The following ZNF596 variants were observed in gnomAD, a reference collection of about 807,000 sequenced individuals.
ZNF596 encodes the protein zinc finger protein 596.
A neutral mutation model predicts 48.3 loss-of-function variants in ZNF596; 45 were observed. The observed-to-expected ratio is 0.93, with a 90% CI of 0.73 to 1.19. The LOEUF is 1.19. Ranked by LOEUF, ZNF596 falls within the 50% of genes most tolerant of loss-of-function variation. The pLI is 0.00. For missense variants in ZNF596, 848 were observed against 599.7 expected (o/e 1.41, Z -4.32); for synonymous variants, 270 against 202.0 (o/e 1.34, Z -2.85).
chr8:238,314 G>A (rs1796702193), intron 1 of ZNF596, among the ~76,000 whole-genome samples: 1 of 151,994 alleles, frequency 6.6e-6, no homozygotes, highest in African/African-American at 2.4e-5. Flanking sequence ...GAGACTAGTG[G>A]AGGAAAGGAG....
chr8:243,049 G>C, intron 3 of ZNF596, 36 bp downstream of exon 3: 2 of 1,550,112 alleles, frequency 1.3e-6, no homozygotes, highest in Non-Finnish European at 1.8e-6. Flanking sequence ...ATGTATATAC[G>C]GATTCATTCA....
Position 246,435 on chromosome 8 carries a change from C to A in ZNF596, c.*73C>A. Reference sequence around the variant, plus strand: ...ACTACAGGAATATTATGTCTGTAATCAGTGTGGAAAAGCCTTTATTTATAT... The same window carrying A: ...ACTACAGGAATATTATGTCTGTAATAAGTGTGGAAAAGCCTTTATTTATAT... On this transcript the variant is annotated 3_prime_UTR_variant, in exon 6 of 6. Coordinates refer to ENST00000398612, the MANE Select transcript of ZNF596 (RefSeq NM_001042416.3). 1 of 1,494,216 alleles carries A rather than the reference C, an allele frequency of 6.7e-7. No homozygotes were observed. The highest frequency in any genetic ancestry group is 8.9e-7 in the Non-Finnish European group (1 of 1,122,166). The allele number at this position is 1,494,216 out of a possible 1,614,324, so 92.6% of individuals were successfully genotyped here. A position where few individuals can be genotyped will look rare whatever the true frequency, so the allele number is the denominator to read the frequency against.
intron 3 of ZNF596, 90 bp from the exon 4 acceptor site, chr8:243,632 A>G (rs1796940803): frequency 2.3e-6 from 3 of 1,301,366 alleles, no homozygotes; most frequent in South Asian, 2.6e-5. Flanking sequence ...TGGCTAACTT[A>G]TCCTTCCCAG....
At chr8:237,054 T>C (rs570545233) in intron 1 of ZNF596, 132 of 152,090 alleles carry the variant, frequency 8.7e-4, no homozygotes, top group African/African-American at 2.9e-3. Flanking sequence ...TAAAATTGGC[T>C]AATCAGATTT....
intron 4 of ZNF596, chr8:244,235 C>A: frequency 4.5e-6 from 1 of 221,880 alleles, no homozygotes; most frequent in East Asian, 1.4e-4. Flanking sequence ...TAGGCAAAAA[C>A]CTGAGGGAAA....
At chr8:233,005 C>T (rs1280170396) in intron 1 of ZNF596, 1 of 468,616 alleles carries the variant, frequency 2.1e-6, no homozygotes, top group Middle Eastern at 3.3e-4. Context: ...GAAGCGGGCT[C>T]TTCCTTGGCA....
At chr8:234,906 G>C (rs1287789444) in intron 1 of ZNF596, 2 of 152,196 alleles carry the variant, frequency 1.3e-5, no homozygotes, top group African/African-American at 4.8e-5. Flanking sequence ...TGTTGACCAT[G>C]ATTAGAGAAA....
Position 245,612 on chromosome 8 carries a change from A to G in ZNF596, c.765A>G (p.Leu255=), listed in dbSNP as rs758029918. The part of the protein sequence containing the change: ...HTGEKPYGCH[L]CGKAFSKSSN... Reference sequence around the variant, plus strand: ...GAGAGAAGCCATATGGATGTCATCTATGTGGGAAAGCCTTCAGTAAAAGTT... The same window carrying G: ...GAGAGAAGCCATATGGATGTCATCTGTGTGGGAAAGCCTTCAGTAAAAGTT... Residue 255 remains leucine (L), a synonymous_variant, in exon 6 of 6, where the codon CTA becomes CTG. Transcript: ENST00000398612. The G allele has an allele frequency of 2.5e-5, 40 of 1,613,978 alleles. No individual in the cohort carries two copies. Among genetic ancestry groups the G allele is most frequent in the Non-Finnish European group, 3.2e-5 (38 of 1,180,024 alleles).
intron 2 of ZNF596, among the ~76,000 whole-genome samples, chr8:242,082 C>G (rs989983639): frequency 1.3e-5 from 2 of 152,138 alleles, no homozygotes; most frequent in Non-Finnish European, 2.9e-5. Context: ...GGTGGGGACA[C>G]AGAGCCAAAC....
chr8:246,394 C>T lies in ZNF596; in HGVS notation c.*32C>T, dbSNP rs1039163370. On this transcript the variant is annotated 3_prime_UTR_variant, in exon 6 of 6. Transcript: ENST00000398612. ...TCAGCTGTAGCGTTAACACTAAATA[C>T]ACCAAGGACAAACATACTACAGGAA... is the stretch of plus-strand genomic sequence containing the variant. 3.9e-6 allele frequency: 6 copies of T among 1,535,834 alleles called. No homozygotes were observed. Among genetic ancestry groups the T allele is most frequent in the Non-Finnish European group, 5.2e-6 (6 of 1,148,844 alleles).
At chr8:235,330 GT>G (rs1796576799) in intron 1 of ZNF596, among the ~76,000 whole-genome samples, 1 of 152,218 alleles carries the variant, frequency 6.6e-6, no homozygotes, top group Non-Finnish European at 1.5e-5. Context: ...CTTGGGGCAA[GT>G]TGGGGGTTTG....
Position 242,118 on chromosome 8 carries a change from C to T in ZNF596, c.13-769C>T, listed in dbSNP as rs974788229. Among the ~76,000 whole-genome samples the T allele has an allele frequency of 2.0e-5, 3 of 152,070 alleles. No individual in the cohort carries two copies. In the East Asian group the frequency reaches 5.8e-4, roughly 29 times the overall value. ...TATATCACCTGGTGTTTGAAGATCC[C>T]ACATAAAATTGAGAAAGGAAATCCT... On this transcript the variant is annotated intron_variant, in intron 2 of 5. Transcript: ENST00000398612.
chr8:234,734 C>G (rs1478790489), intron 1 of ZNF596: 1 of 152,248 alleles, frequency 6.6e-6, no homozygotes. Flanking sequence ...CATCTTCACG[C>G]TATCACACTG....
chr8:238,516 T>A lies in ZNF596; in HGVS notation c.-72-2308T>A, dbSNP rs532088459. On this transcript the variant is annotated intron_variant, in intron 1 of 5. Coordinates refer to ENST00000398612, the MANE Select transcript of ZNF596 (RefSeq NM_001042416.3). ...AATTGACCATAAAGAAATACAGGTT[T>A]CTGGCTGGGTGCGGTGGCTCACACT... Among the ~76,000 whole-genome samples the A allele has an allele frequency of 1.6e-3, 246 of 151,630 alleles. 1 individual carries two copies. Among genetic ancestry groups the A allele is most frequent in the African/African-American group, 5.9e-3 (242 of 41,318 alleles).
At chr8:243,200 T>C (rs1796924542) in intron 3 of ZNF596, 187 bp downstream of exon 3, 3 of 450,910 alleles carry the variant, frequency 6.7e-6, no homozygotes, top group East Asian at 7.4e-5. Context: ...TTCACTTATA[T>C]TGATTTGTCC....
At position 241,020 on chromosome 8, in the gene ZNF596, A is replaced by T. The variant is rs1014604666; in HGVS notation, c.12+113A>T. ...AGTGCACTCAAGGATCCAAGCTCCA[A>T]TTAAGATTCCCCAGGGCTTCGGAAT... On this transcript the variant is annotated intron_variant, in intron 2 of 5. Coordinates refer to ENST00000398612, the MANE Select transcript of ZNF596 (RefSeq NM_001042416.3). The T allele has an allele frequency of 7.6e-6, 10 of 1,308,378 alleles. No homozygotes were observed. In the East Asian group the frequency reaches 1.6e-4, roughly 21 times the overall value. 81.0% of individuals were successfully genotyped at this position (1,308,378 alleles called of 1,614,324 possible).
At chr8:235,061 A>G (rs564657918) in intron 1 of ZNF596, among the ~76,000 whole-genome samples, 1 of 152,364 alleles carries the variant, frequency 6.6e-6, no homozygotes, top group East Asian at 1.9e-4. Flanking sequence ...GCCACAAAAT[A>G]TTAATGATTT....
At position 240,862 on chromosome 8, in the gene ZNF596, C is replaced by A; in HGVS notation, c.-34C>A. The A allele has an allele frequency of 6.2e-7, 1 of 1,613,704 alleles. No individual in the cohort carries two copies. The highest frequency in any genetic ancestry group is 8.5e-7 in the Non-Finnish European group (1 of 1,179,770). ...GTGCTTGGATGGTGTGAGTGAAAAC[C>A]CAGAGGAATACATTTGGTGGCTGAG... On this transcript the variant is annotated 5_prime_UTR_variant, in exon 2 of 6. Transcript: ENST00000398612.
Position 245,354 on chromosome 8 carries a change from T to C in ZNF596, c.507T>C (p.Ser169=). ...ACACCAAATGTAAATCATATGGAAG[T>C]CATCTATTTGATTATGCCTTTATCC... ...EIHTKCKSYG[S]HLFDYAFIQN... Residue 169 remains serine (S), a synonymous_variant, in exon 6 of 6, where the codon AGT becomes AGC. Transcript: ENST00000398612. 1.2e-6 allele frequency: 2 copies of C among 1,614,094 alleles called. No individual in the cohort carries two copies. Among genetic ancestry groups the C allele is most frequent in the Non-Finnish European group, 1.7e-6 (2 of 1,179,948 alleles).
Sources: allele counts gnomAD v4.1 joint callset (sites outside exome capture counted in the v4.1 genomes callset), GRCh38; gene constraint gnomAD v4.1.1; transcripts MANE v1.5; gene names NCBI Gene and HGNC (gene_info 2026-07-23, HGNC 2026-07-21).